Variants in RNF17 observed in about 807,000 individuals in gnomAD.
The protein encoded by RNF17 is spermatogenesis associated 23.
RNF17 carries 31 observed loss-of-function variants against 200.5 expected under a neutral mutation model. The ratio of observed to expected loss-of-function variants is 0.15; its 90% CI spans 0.12 to 0.21. The LOEUF (loss-of-function observed/expected upper bound fraction) is 0.21. Among genes scored for constraint, RNF17 ranks in the 10% least tolerant of loss-of-function variants. The pLI, the probability that RNF17 is intolerant of heterozygous loss-of-function variation, is 1.00. For missense variants in RNF17, 1,628 were observed against 1,905.1 expected, an observed-to-expected ratio of 0.85 and a Z score of 2.71; for synonymous variants, 606 against 637.8, an observed-to-expected ratio of 0.95 and a Z score of 0.75.
At chr13:24,804,579 C>T in intron 15 of RNF17, 150 bp downstream of exon 15, 1 of 560,046 alleles carries the variant, frequency 1.8e-6, no homozygotes, top group Non-Finnish European at 3.1e-6. Flanking sequence ...GTAGTTGCAA[C>T]TTCAAACAAG....
At chr13:24,760,053 A>C (rs1249198197), upstream of RNF17, among the ~76,000 whole-genome samples, 2 of 152,142 alleles carry the variant, frequency 1.3e-5, no homozygotes, top group African/African-American at 4.8e-5. Flanking sequence ...AGGCAGGAGA[A>C]TTGCTTGAAC....
the RNF17 span, among the ~76,000 whole-genome samples, chr13:24,747,912 G>A: frequency 9.8e-5 from 15 of 152,366 alleles, no homozygotes; most frequent in African/African-American, 3.6e-4. Flanking sequence ...CCCCGTGCTC[G>A]GGCCCTACCC....
Position 24,866,081 on chromosome 13 carries a change from T to G in RNF17, c.4102-63T>G, listed in dbSNP as rs532568904. On this transcript the variant is annotated intron_variant, in intron 29 of 35. Transcript: ENST00000255324. ...GCACCCAGTTTTTGTGGGGATGAAA[T>G]ATGGAAAGTACCTTAAAACAATATA... 3.5e-5 allele frequency: 31 copies of G among 880,850 alleles called. No individual in the cohort carries two copies. In the African/African-American group the frequency reaches 4.6e-4, roughly 13 times the overall value. The allele number at this position is 880,850 out of a possible 1,614,324, so 54.6% of individuals were successfully genotyped here.
At chr13:24,808,399 T>C (rs1187996875) in intron 15 of RNF17, among the ~76,000 whole-genome samples, 3 of 148,102 alleles carry the variant, frequency 2.0e-5, no homozygotes, top group Non-Finnish European at 4.5e-5. Flanking sequence ...TTATTCTCTT[T>C]GAAGCAATTG....
rs750597906 is a variant in RNF17, at chr13:24,778,369, C to A, written c.392C>A (p.Thr131Lys). The change falls in exon 4 of 36, where the codon ACA (threonine) becomes AAA (lysine). Residue 131 changes from threonine (T) to lysine (K), a missense_variant. Thr to Lys is a moderately conservative substitution (Grantham distance 78, BLOSUM62 -1). Transcript: ENST00000255324. ...ACTGGTTTAGAACGTTCAGCCTCCA[C>A]AGACAAGACTCTTTTGAACTCATCA... is the stretch of plus-strand genomic sequence containing the variant. ...LTTGLERSAS[T>K]DKTLLNSSAV... is the part of the protein sequence containing the mutation. 1.2e-6 allele frequency: 2 copies of A among 1,613,506 alleles called. No homozygotes were observed. Among genetic ancestry groups the A allele is most frequent in the East Asian group, 4.5e-5 (2 of 44,886 alleles).
the RNF17 span, chr13:24,886,140 C>A: frequency 2.3e-6 from 1 of 439,156 alleles, no homozygotes; most frequent in Non-Finnish European, 4.4e-6. Context: ...ACGCCCCCAC[C>A]AACAACAAAG....
chr13:24,819,335 C>G (rs937633902), intron 15 of RNF17, among the ~76,000 whole-genome samples: 7 of 152,156 alleles, frequency 4.6e-5, no homozygotes, highest in African/African-American at 1.7e-4. Flanking sequence ...CCTAAAGATT[C>G]ATCCATGTTG....
intron 3 of RNF17, among the ~76,000 whole-genome samples, chr13:24,777,866 A>G (rs1208796127): frequency 6.6e-6 from 1 of 152,202 alleles, no homozygotes; most frequent in Non-Finnish European, 1.5e-5. Flanking sequence ...AATTCACTGT[A>G]CATGTTCTTA....
chr13:24,871,674 C>A (rs1894271616), intron 32 of RNF17, among the ~76,000 whole-genome samples: 2 of 149,840 alleles, frequency 1.3e-5, no homozygotes, highest in African/African-American at 5.0e-5. Flanking sequence ...GCTCTGTTGC[C>A]CAGGCTGGAG....
intron 22 of RNF17, among the ~76,000 whole-genome samples, chr13:24,847,023 G>A: frequency 8.5e-6 from 1 of 117,342 alleles, no homozygotes; most frequent in South Asian, 3.1e-4. Context: ...ACCTGTGTGT[G>A]ATTTTTTTTT....
downstream of RNF17, among the ~76,000 whole-genome samples, chr13:24,880,976 T>A (rs1953797608): frequency 6.6e-6 from 1 of 152,326 alleles, no homozygotes; most frequent in East Asian, 1.9e-4. Flanking sequence ...ACTTGTTTAT[T>A]GCTTGTTCAA....
intron 20 of RNF17, 127 bp from the exon 21 acceptor site, chr13:24,844,525 A>G (rs764880781): frequency 4.0e-6 from 3 of 744,884 alleles, no homozygotes; most frequent in Non-Finnish European, 6.6e-6. Context: ...ACACTTGTAC[A>G]TTCAAGGAAG....
At chr13:24,812,684 C>CCCT (rs1395529489) in intron 15 of RNF17, among the ~76,000 whole-genome samples, 2 of 86,940 alleles carry the variant, frequency 2.3e-5, no homozygotes, top group African/African-American at 8.2e-5. Context: ...GCCCCACCCC[C>CCCT]TTTTTTTTTT....
In RNF17 at chr13:24,825,557, C is replaced by A. The variant is rs556290322; in HGVS notation, c.2092-62C>A. 4.7e-6 allele frequency: 5 copies of A among 1,055,358 alleles called. No homozygotes were observed. The East Asian group carries it at 9.7e-5, about 21-fold the overall frequency. 65.4% of individuals were successfully genotyped at this position (1,055,358 alleles called of 1,614,324 possible). A position where few individuals can be genotyped will look rare whatever the true frequency, so the allele number is the denominator to read the frequency against. On this transcript the variant is annotated intron_variant, in intron 15 of 35. Transcript: ENST00000255324. ...AATTTCAATGACAGTGCTTGTAATTCATTCAACACTTACATTTTAAGTTTC... is the reference window on the plus strand; with the variant it reads ...AATTTCAATGACAGTGCTTGTAATTAATTCAACACTTACATTTTAAGTTTC...
intron 15 of RNF17, among the ~76,000 whole-genome samples, chr13:24,807,139 T>C (rs1373711571): frequency 6.6e-6 from 1 of 151,944 alleles, no homozygotes; most frequent in Non-Finnish European, 1.5e-5. Flanking sequence ...AGCAGCATGA[T>C]TTATAGTCCT....
downstream of RNF17, chr13:24,882,169 G>GATAT (rs1157317054): frequency 0.15 from 275 of 1,886 alleles, 100 homozygotes; most frequent in Non-Finnish European, 0.27. Context: ...CATCTATATA[G>GATAT]ATAGATACAT....
the RNF17 span, among the ~76,000 whole-genome samples, chr13:24,759,098 A>AAAAAC: frequency 2.6e-5 from 4 of 151,572 alleles, no homozygotes; most frequent in Non-Finnish European, 5.9e-5. Context: ...AAAAAAAAAA[A>AAAAAC]AAAAACAACA....
Position 24,764,279 on chromosome 13 carries a change from G to A in RNF17, c.76G>A (p.Gly26Ser). The A allele has an allele frequency of 6.2e-7, 1 of 1,611,718 alleles. No homozygotes were observed. Among genetic ancestry groups the A allele is most frequent in the Non-Finnish European group, 8.5e-7 (1 of 1,178,306 alleles). ...QRMGRKSQPW[G>S]AAEIQCTRCG... ...AATGGGGAGGAAGAGTCAGCCCTGG[G>A]GTGCCGCTGAAATCCAGTGCACCAG... Residue 26 changes from glycine (G) to serine (S), a missense_variant, in exon 1 of 36, where the codon GGT becomes AGT. Physicochemically the swap from Gly to Ser is moderately conservative, Grantham distance 56. This residue lies in a region of RNF17 where 502 missense variants were observed against 501.7 expected (regional missense o/e 1.00). Coordinates refer to ENST00000255324, the MANE Select transcript of RNF17 (RefSeq NM_031277.3).
chr13:24,863,129 G>C (rs535519861), intron 28 of RNF17, among the ~76,000 whole-genome samples: 1 of 152,178 alleles, frequency 6.6e-6, no homozygotes, highest in Non-Finnish European at 1.5e-5. Flanking sequence ...ACTCAGCACT[G>C]TCTCGGGTCC....
Sources: allele counts gnomAD v4.1 joint callset (sites outside exome capture counted in the v4.1 genomes callset), GRCh38; gene constraint gnomAD v4.1.1; regional missense constraint gnomAD v4.1.1; transcripts MANE v1.5; gene names NCBI Gene and HGNC (gene_info 2026-07-23, HGNC 2026-07-21).